The following CACNA1E variants were observed in gnomAD, a reference collection of about 807,000 sequenced individuals.
CACNA1E encodes the protein calcium voltage-gated channel subunit alpha1 E.
A neutral mutation model predicts 259.2 loss-of-function variants in CACNA1E; 40 were observed. The observed-to-expected ratio is 0.15, with a 90% CI of 0.12 to 0.20. The LOEUF is 0.20. CACNA1E is among the 10% of genes least tolerant of loss of function. The pLI, the probability that CACNA1E is intolerant of heterozygous loss-of-function variation, is 1.00. For synonymous variants in CACNA1E, 1,104 were observed against 1,138.5 expected, an observed-to-expected ratio of 0.97 and a Z score of 0.61; for missense variants, 1,874 against 3,040.1, an observed-to-expected ratio of 0.62 and a Z score of 9.02.
chr1:181,416,423 A>G (rs754923797), intron 2 of CACNA1E, among the ~76,000 whole-genome samples: 65 of 152,192 alleles, frequency 4.3e-4, no homozygotes, highest in Non-Finnish European at 5.0e-4. Flanking sequence ...TCAGCTTTTC[A>G]GCAGGTTGTT....
intron 1 of CACNA1E, among the ~76,000 whole-genome samples, chr1:181,402,322 G>C (rs572042198): frequency 1.3e-5 from 2 of 152,308 alleles, no homozygotes; most frequent in South Asian, 4.1e-4. Flanking sequence ...CTGGGGGACA[G>C]AGGTATAAGT....
rs780650177 is a variant in CACNA1E at position 181,796,793 on chromosome 1, GA to G, written c.6335del (p.Glu2112GlyfsTer27). The G allele has an allele frequency of 6.2e-7, 1 of 1,611,572 alleles. No individual in the cohort carries two copies. The highest frequency in any genetic ancestry group is 8.5e-7 in the Non-Finnish European group (1 of 1,178,932). On this transcript the variant is annotated frameshift_variant, in exon 47 of 48. Transcript: ENST00000367573. LOFTEE classifies it high-confidence loss of function. ...AGAGCGAGGGACCCAGGCTGACTGG[GA>G]GTCCCCAGAGCGCCGTCAATCCAGG... ...SEERGTQADW[E>X]SPERRQSRSP...
chr1:181,465,705 T>G (rs1662112050), intron 2 of CACNA1E, among the ~76,000 whole-genome samples: 1 of 152,238 alleles, frequency 6.6e-6, no homozygotes, highest in Non-Finnish European at 1.5e-5. Flanking sequence ...TTTTTTCATT[T>G]CATTGCATTC....
At chr1:181,397,317 G>A (rs2102064540) in intron 1 of CACNA1E, among the ~76,000 whole-genome samples, 1 of 152,230 alleles carries the variant, frequency 6.6e-6, no homozygotes, top group South Asian at 2.1e-4. Context: ...CCAGGCCCCT[G>A]CCTCGGTGAG....
chr1:181,517,403 C>T (rs1666670040), intron 3 of CACNA1E, among the ~76,000 whole-genome samples: 1 of 152,032 alleles, frequency 6.6e-6, no homozygotes. Context: ...TGTACTTTAA[C>T]CAGAGGGCAG....
At chr1:181,524,417 AG>A (rs1667206690) in intron 3 of CACNA1E, among the ~76,000 whole-genome samples, 1 of 152,154 alleles carries the variant, frequency 6.6e-6, no homozygotes, top group Non-Finnish European at 1.5e-5. Context: ...AGGCTATAGG[AG>A]TCTCATTTTT....
At position 181,791,607 on chromosome 1, in the gene CACNA1E, A is replaced by G. The variant is rs146712913; in HGVS notation, c.5898+1051A>G. Among the ~76,000 whole-genome samples the G allele has an allele frequency of 1.8e-3, 271 of 152,302 alleles. 1 individual carries two copies. The highest frequency in any genetic ancestry group is 6.2e-3 in the African/African-American group (259 of 41,570). ...GTTCCTAAACATCATTGACTTTACC[A>G]TTATTCCTAGTTCAGGAGCCATGAG... On this transcript the variant is annotated intron_variant, in intron 44 of 47. Transcript: ENST00000367573.
At chr1:181,351,143 A>G (rs946432308) in intron 1 of CACNA1E, among the ~76,000 whole-genome samples, 12 of 152,304 alleles carry the variant, frequency 7.9e-5, no homozygotes, top group Admixed American at 3.9e-4. Context: ...AGGATTGCAG[A>G]TAGAGCCAGT....
intron 32 of CACNA1E, among the ~76,000 whole-genome samples, chr1:181,759,119 A>G (rs1254133314): frequency 6.6e-6 from 1 of 152,228 alleles, no homozygotes; most frequent in Non-Finnish European, 1.5e-5. Context: ...GGCGGCCATC[A>G]TTGAGTTTCA....
At chr1:181,421,124 G>C (rs988365616) in intron 2 of CACNA1E, among the ~76,000 whole-genome samples, 2 of 152,136 alleles carry the variant, frequency 1.3e-5, no homozygotes, top group African/African-American at 4.8e-5. Flanking sequence ...CTCTAATTCC[G>C]AAGCCCATGT....
At chr1:181,494,291 G>A (rs964707812) in intron 1 of CACNA1E, among the ~76,000 whole-genome samples, 5 of 150,726 alleles carry the variant, frequency 3.3e-5, no homozygotes, top group African/African-American at 1.2e-4. Flanking sequence ...ACATTAGTTT[G>A]AATTAAAATA....
At chr1:181,433,562 C>T (rs1290385345) in intron 2 of CACNA1E, among the ~76,000 whole-genome samples, 1 of 152,112 alleles carries the variant, frequency 6.6e-6, no homozygotes, top group African/African-American at 2.4e-5. Context: ...AATATAGGAG[C>T]TTATAAAGAA....
intron 2 of CACNA1E, among the ~76,000 whole-genome samples, chr1:181,441,031 T>A (rs1660439123): frequency 7.3e-6 from 1 of 137,730 alleles, no homozygotes; most frequent in Non-Finnish European, 1.5e-5. Context: ...CGCCCAGCTC[T>A]TCCCAAAGTC....
At chr1:181,442,905 A>G (rs1660588511) in intron 2 of CACNA1E, among the ~76,000 whole-genome samples, 1 of 152,110 alleles carries the variant, frequency 6.6e-6, no homozygotes, top group African/African-American at 2.4e-5. Flanking sequence ...CAGGAAGTCT[A>G]TCTCTGCAGA....
intron 2 of CACNA1E, among the ~76,000 whole-genome samples, chr1:181,414,505 G>A (rs370279264): frequency 8.5e-5 from 13 of 152,300 alleles, no homozygotes; most frequent in Admixed American, 2.0e-4. Context: ...CATTCATTCA[G>A]TGAGTCCGAA....
intron 2 of CACNA1E, among the ~76,000 whole-genome samples, chr1:181,432,094 C>T (rs1659757235): frequency 6.6e-6 from 1 of 152,196 alleles, no homozygotes; most frequent in Admixed American, 6.5e-5. Flanking sequence ...TTCCCTACAG[C>T]CCACCTAGTA....
chr1:181,785,311 T>A lies in CACNA1E; in HGVS notation c.5579-7T>A. The A allele has an allele frequency of 6.3e-7, 1 of 1,576,818 alleles. No homozygotes were observed. Among genetic ancestry groups the A allele is most frequent in the Non-Finnish European group, 8.7e-7 (1 of 1,146,486 alleles). On this transcript the variant is annotated splice_region_variant and splice_polypyrimidine_tract_variant and intron_variant, in intron 41 of 47. Coordinates refer to ENST00000367573, the MANE Select transcript of CACNA1E (RefSeq NM_001205293.3). ...TGTTCACCATCATGCCACATTTGTG[T>A]TTCTAGCCTCTGACCTGACTGTGGG... is the stretch of plus-strand genomic sequence containing the variant.
chr1:181,722,762 G>A (rs181798657), intron 16 of CACNA1E, among the ~76,000 whole-genome samples: 8 of 152,184 alleles, frequency 5.3e-5, no homozygotes, highest in Non-Finnish European at 7.3e-5. Flanking sequence ...AGAACCATGG[G>A]ACGCAGGTGT....
At chr1:181,622,333 A>T (rs1655799389) in intron 6 of CACNA1E, among the ~76,000 whole-genome samples, 1 of 152,162 alleles carries the variant, frequency 6.6e-6, no homozygotes, top group South Asian at 2.1e-4. Flanking sequence ...TCTTCTGATT[A>T]TGAAGGTAAT....
Sources: gnomAD v4.1 joint callset for allele counts (sites outside exome capture counted in the v4.1 genomes callset) on GRCh38, gnomAD v4.1.1 for gene constraint, MANE v1.5 for transcripts, NCBI Gene and HGNC (gene_info 2026-07-23, HGNC 2026-07-21) for gene names.